BMPR1B: variants seen among roughly 807,000 people sequenced by gnomAD.
BMPR1B encodes bone morphogenetic protein receptor type 1B.
Under a neutral mutation model 59.1 loss-of-function variants are expected in BMPR1B, and 12 were observed. That is an observed-to-expected ratio of 0.20 (90% confidence interval 0.13 to 0.33). BMPR1B has a LOEUF of 0.33. BMPR1B is among the 10% of genes least tolerant of loss of function. BMPR1B has a pLI of 1.00. For synonymous variants in BMPR1B, 237 were observed against 207.3 expected, an observed-to-expected ratio of 1.14 and a Z score of -1.23; for missense variants, 550 against 610.9, an observed-to-expected ratio of 0.90 and a Z score of 1.05.
At chr4:95,023,132 C>A (rs1724110341) in intron 3 of BMPR1B, among the ~76,000 whole-genome samples, 1 of 152,108 alleles carries the variant, frequency 6.6e-6, no homozygotes, top group Non-Finnish European at 1.5e-5. Flanking sequence ...CTATAAGGCT[C>A]AAAATGAATA....
At chr4:94,803,683 T>A (rs1218368841) in intron 1 of BMPR1B, among the ~76,000 whole-genome samples, 1 of 152,144 alleles carries the variant, frequency 6.6e-6, no homozygotes. Context: ...TCAACATAAT[T>A]TGATTTGCAG....
intron 1 of BMPR1B, among the ~76,000 whole-genome samples, chr4:94,867,237 A>G (rs1726284309): frequency 1.3e-5 from 2 of 152,154 alleles, no homozygotes; most frequent in Non-Finnish European, 2.9e-5. Context: ...AGATGCATAT[A>G]TAGCAAGTCT....
chr4:95,008,814 T>C (rs1014448452), intron 3 of BMPR1B, among the ~76,000 whole-genome samples: 2 of 151,990 alleles, frequency 1.3e-5, no homozygotes, highest in Non-Finnish European at 2.9e-5. Context: ...AAATAGGAAT[T>C]TCAAAAAGAG....
intron 1 of BMPR1B, among the ~76,000 whole-genome samples, chr4:94,832,745 T>C (rs1427655677): frequency 6.6e-6 from 1 of 152,146 alleles, no homozygotes; most frequent in Non-Finnish European, 1.5e-5. Context: ...GTCGTGCCAC[T>C]GCACTACAGC....
chr4:94,955,890 A>G (rs1328277986), intron 2 of BMPR1B, among the ~76,000 whole-genome samples: 2 of 152,060 alleles, frequency 1.3e-5, no homozygotes, highest in African/African-American at 2.4e-5. Context: ...CGGCCTCCCA[A>G]AGTGCTGGGA....
intron 2 of BMPR1B, among the ~76,000 whole-genome samples, chr4:94,961,121 T>C (rs933260382): frequency 1.3e-5 from 2 of 152,166 alleles, no homozygotes; most frequent in African/African-American, 4.8e-5. Flanking sequence ...AGCACTGCTT[T>C]TTTAGGTTTT....
chr4:94,915,651 C>G (rs1040025591), intron 2 of BMPR1B, among the ~76,000 whole-genome samples: 4 of 152,020 alleles, frequency 2.6e-5, no homozygotes, highest in African/African-American at 7.3e-5. Flanking sequence ...ATGAAAATAC[C>G]AATTTTTAGG....
chr4:95,092,240 G>T (rs2149249980), intron 3 of BMPR1B, among the ~76,000 whole-genome samples: 1 of 152,108 alleles, frequency 6.6e-6, no homozygotes, highest in South Asian at 2.1e-4. Context: ...AATTGTTTTG[G>T]CATGATAAAG....
chr4:95,145,344 A>G (rs112413860), intron 10 of BMPR1B, among the ~76,000 whole-genome samples: 299 of 152,290 alleles, frequency 2.0e-3, no homozygotes, highest in African/African-American at 6.6e-3. Context: ...TGCAGTATCT[A>G]TCTTTTCTTG....
intron 1 of BMPR1B, among the ~76,000 whole-genome samples, chr4:94,869,095 A>AACACACACACACAC (rs59407857): frequency 6.9e-6 from 1 of 144,542 alleles, no homozygotes; most frequent in African/African-American, 2.6e-5. Flanking sequence ...TTTACTATCA[A>AACACACACACACAC]ACACACACAC....
intron 3 of BMPR1B, among the ~76,000 whole-genome samples, chr4:95,097,158 T>C (rs1382588856): frequency 6.7e-6 from 1 of 148,158 alleles, no homozygotes; most frequent in East Asian, 2.0e-4. Context: ...TATGTAACTA[T>C]ACGTCACAAG....
In BMPR1B at chr4:95,154,934, C is replaced by T; in HGVS notation, c.*261C>T. ...TTCAAGATATGATGCATGTTGCTTT[C>T]TAAGAAAGCCCTGTATTTTGTGATT... is the stretch of plus-strand genomic sequence containing the variant. On this transcript the variant is annotated 3_prime_UTR_variant, in exon 13 of 13. Coordinates refer to ENST00000515059, the MANE Select transcript of BMPR1B (RefSeq NM_001203.3). The T allele has an allele frequency of 1.4e-5, 6 of 416,240 alleles. No homozygotes were observed. Among genetic ancestry groups the T allele is most frequent in the Admixed American group, 3.8e-5 (1 of 26,270 alleles). 25.8% of individuals were successfully genotyped at this position (416,240 alleles called of 1,614,324 possible).
chr4:94,969,286 C>T (rs540729063), intron 2 of BMPR1B, among the ~76,000 whole-genome samples: 70 of 152,208 alleles, frequency 4.6e-4, no homozygotes, highest in Non-Finnish European at 6.3e-4. Context: ...CTGCCCGACC[C>T]GGCCTCCCAA....
chr4:94,774,726 A>G (rs965783338), intron 1 of BMPR1B, among the ~76,000 whole-genome samples: 9 of 152,050 alleles, frequency 5.9e-5, no homozygotes, highest in East Asian at 1.9e-4. Flanking sequence ...TCAATTTCTA[A>G]TTACTGATTT....
intron 2 of BMPR1B, among the ~76,000 whole-genome samples, chr4:94,888,429 G>A (rs899456920): frequency 2.0e-5 from 3 of 152,036 alleles, no homozygotes; most frequent in Non-Finnish European, 2.9e-5. Context: ...ATATTCTACT[G>A]TAGGCAGATG....
chr4:94,932,990 G>A (rs961018472), intron 2 of BMPR1B, among the ~76,000 whole-genome samples: 7 of 152,078 alleles, frequency 4.6e-5, no homozygotes, highest in African/African-American at 1.7e-4. Flanking sequence ...AGTAATATGT[G>A]TGTATAGTAA....
chr4:94,803,463 G>T (rs1301947882), intron 1 of BMPR1B, among the ~76,000 whole-genome samples: 1 of 152,146 alleles, frequency 6.6e-6, no homozygotes, highest in Admixed American at 6.5e-5. Context: ...AGTAGGGTGG[G>T]ACTGTTGAGA....
chr4:94,763,975 T>C (rs1457015976), intron 1 of BMPR1B, among the ~76,000 whole-genome samples: 1 of 152,202 alleles, frequency 6.6e-6, no homozygotes. Flanking sequence ...AGTGCTCAGA[T>C]GGGCTTGCAG....
At chr4:95,026,146 C>CTTTCTTTCTTTCTTTCTTTCTT (rs1724394009) in intron 3 of BMPR1B, among the ~76,000 whole-genome samples, 2 of 148,014 alleles carry the variant, frequency 1.4e-5, no homozygotes, top group Non-Finnish European at 3.0e-5. Flanking sequence ...TTCTTTCTTT[C>CTTTCTTTCTTTCTTTCTTTCTT]TTTCTTTCTT....
Sources: gnomAD v4.1 joint callset for allele counts (sites outside exome capture counted in the v4.1 genomes callset) on GRCh38, gnomAD v4.1.1 for gene constraint, MANE v1.5 for transcripts, NCBI Gene and HGNC (gene_info 2026-07-23, HGNC 2026-07-21) for gene names.